UBE4B: variants seen among roughly 807,000 people sequenced by gnomAD.
UBE4B encodes the protein ubiquitin conjugation factor E4 B.
In UBE4B, 27 loss-of-function variants were observed where a neutral mutation model predicts 148.1. That is an observed-to-expected ratio of 0.18 (90% CI 0.13 to 0.25). The LOEUF is 0.25. Ranked by LOEUF, UBE4B falls within the 10% of genes least tolerant of loss-of-function variation. The pLI is 1.00. For synonymous variants in UBE4B, 596 were observed against 619.3 expected (o/e 0.96, Z 0.56); for missense variants, 1,170 against 1,662.4 (o/e 0.70, Z 5.15).
chr1:10,137,341 C>T (rs569908417), intron 17 of UBE4B, 136 bp downstream of exon 17: 18 of 1,108,650 alleles, frequency 1.6e-5, no homozygotes, highest in Admixed American at 1.1e-4. Flanking sequence ...CTGCCTCCAC[C>T]GCCACATCCA....
intron 2 of UBE4B, among the ~76,000 whole-genome samples, chr1:10,090,398 G>A (rs1644828247): frequency 6.6e-6 from 1 of 152,180 alleles, no homozygotes; most frequent in Non-Finnish European, 1.5e-5. Context: ...TGGAATTATA[G>A]GCGTGAGCCA....
In UBE4B at chr1:10,147,039, A is replaced by T; in HGVS notation, c.2540A>T (p.Tyr847Phe). The change falls in exon 19 of 28, where the codon TAT (tyrosine) becomes TTT (phenylalanine). Residue 847 changes from tyrosine to phenylalanine, a missense_variant. Transcript: ENST00000343090. ...ESFLRRCLNF[Y>F]GLLIQLLLRI... ...TTCCTGAGAAGATGTCTGAATTTTT[A>T]TGGCCTTCTCATTCAGCTGCTGCTC... 6.2e-7 allele frequency: 1 copy of T among 1,613,956 alleles called. No individual in the cohort carries two copies. The highest frequency in any genetic ancestry group is 8.5e-7 in the Non-Finnish European group (1 of 1,179,984).
At chr1:10,175,637 C>A (rs914646050) in intron 25 of UBE4B, among the ~76,000 whole-genome samples, 1 of 151,320 alleles carries the variant, frequency 6.6e-6, no homozygotes, top group Non-Finnish European at 1.5e-5. Flanking sequence ...GGCGACAGAG[C>A]GAGACTCCGT....
chr1:10,122,678 C>T (rs1363205322), intron 10 of UBE4B, among the ~76,000 whole-genome samples: 1 of 152,218 alleles, frequency 6.6e-6, no homozygotes, highest in Middle Eastern at 3.2e-3. Context: ...CAAGGTGAAA[C>T]TTTGTTGTTA....
intron 2 of UBE4B, among the ~76,000 whole-genome samples, chr1:10,085,027 C>G (rs923104604): frequency 1.3e-5 from 2 of 152,078 alleles, no homozygotes; most frequent in Non-Finnish European, 2.9e-5. Context: ...CAGTTGGAAT[C>G]CAAGGGAAGT....
intron 25 of UBE4B, among the ~76,000 whole-genome samples, chr1:10,174,430 G>A (rs1274795126): frequency 6.6e-6 from 1 of 151,516 alleles, no homozygotes; most frequent in Non-Finnish European, 1.5e-5. Context: ...GCTGGGTGCG[G>A]TGGCTCACAC....
At chr1:10,078,101 C>T (rs970157718) in intron 2 of UBE4B, among the ~76,000 whole-genome samples, 6 of 152,092 alleles carry the variant, frequency 3.9e-5, no homozygotes, top group Non-Finnish European at 7.4e-5. Flanking sequence ...CCTCCGTCAC[C>T]CGGGTTCAAG....
chr1:10,159,001 C>A (rs1300217901), intron 22 of UBE4B, among the ~76,000 whole-genome samples: 1 of 144,124 alleles, frequency 6.9e-6, no homozygotes, highest in Non-Finnish European at 1.5e-5. Context: ...CAGAGCGAGA[C>A]TCCGTCTCAA....
At chr1:10,126,308 T>A (rs1645494002) in intron 10 of UBE4B, among the ~76,000 whole-genome samples, 1 of 132,374 alleles carries the variant, frequency 7.6e-6, no homozygotes, top group Non-Finnish European at 1.6e-5. Context: ...TCAATATAGA[T>A]AGATAGATAG....
At position 10,134,988 on chromosome 1, in the gene UBE4B, A is replaced by G. The variant is rs756270935; in HGVS notation, c.2026A>G (p.Thr676Ala). The G allele has an allele frequency of 6.2e-7, 1 of 1,613,676 alleles. No homozygotes were observed. The highest frequency in any genetic ancestry group is 8.5e-7 in the Non-Finnish European group (1 of 1,179,692). Residue 676 changes from threonine to alanine, a missense_variant and splice_region_variant, in exon 16 of 28, where the codon ACA (threonine) becomes GCA (alanine). Physicochemically the swap from Thr to Ala is moderately conservative, Grantham distance 58. Coordinates refer to ENST00000343090, the MANE Select transcript of UBE4B (RefSeq NM_001105562.3). ...NANMKKAQMQTDDRLVSTDGF... is the reference protein window; with the variant it reads ...NANMKKAQMQADDRLVSTDGF... The stretch of plus-strand genomic sequence containing the variant: ...TACTTTTTCTTTTCAACTTTCACAG[A>G]CAGATGATAGATTGGTGTCTACAGA...
chr1:10,102,151 T>G (rs1376304906), intron 4 of UBE4B, among the ~76,000 whole-genome samples: 1 of 152,126 alleles, frequency 6.6e-6, no homozygotes, highest in Non-Finnish European at 1.5e-5. Context: ...AGCCTCCTAG[T>G]GGTGCAGTGC....
intron 3 of UBE4B, among the ~76,000 whole-genome samples, chr1:10,097,052 A>AATAAT (rs1553143703): frequency 3.0e-4 from 41 of 138,536 alleles, no homozygotes; most frequent in African/African-American, 5.0e-4. Context: ...AAAAAAAAAA[A>AATAAT]AATAATAATA....
At chr1:10,080,631 C>T (rs1644663118) in intron 2 of UBE4B, among the ~76,000 whole-genome samples, 1 of 152,026 alleles carries the variant, frequency 6.6e-6, no homozygotes, top group Non-Finnish European at 1.5e-5. Context: ...AGCATTATTC[C>T]AAATAGCCAA....
At chr1:10,179,196 C>T in intron 26 of UBE4B, 2 of 577,882 alleles carry the variant, frequency 3.5e-6, no homozygotes, top group Non-Finnish European at 5.9e-6. Context: ...TCTCTGTTCC[C>T]TCCCCCCAGC....
rs200469707 is a variant in UBE4B at position 10,097,879 on chromosome 1, A to AT, written c.347+2291dup. On this transcript the variant is annotated intron_variant, in intron 3 of 27. Coordinates refer to ENST00000343090, the MANE Select transcript of UBE4B (RefSeq NM_001105562.3). ...TCCATTTCCTCAAGCATTTGTCCTT[A>AT]TTTTTTTTGGAGACGGAGTCTCACT... 2.6e-4 allele frequency among the ~76,000 whole-genome samples: 40 copies of AT among 151,580 alleles called. No homozygotes were observed. The East Asian group carries it at 3.7e-3, about 14-fold the overall frequency.
intron 1 of UBE4B, among the ~76,000 whole-genome samples, chr1:10,034,389 C>G (rs12082994): frequency 0.028 from 4,194 of 152,062 alleles, 161 homozygotes; most frequent in African/African-American, 0.088. Flanking sequence ...AAATGACTTT[C>G]TAAACTCTCT....
chr1:10,090,374 G>A (rs1010072680), intron 2 of UBE4B, among the ~76,000 whole-genome samples: 2 of 151,960 alleles, frequency 1.3e-5, no homozygotes, highest in African/African-American at 4.8e-5. Context: ...CTCCACCTTG[G>A]CCTCCAAAAG....
intron 18 of UBE4B, 22 bp from the exon 19 acceptor site, chr1:10,146,941 G>C (rs761825845): frequency 1.2e-6 from 2 of 1,612,022 alleles, no homozygotes; most frequent in Non-Finnish European, 1.7e-6. Context: ...ATCTTTGGGT[G>C]GGGACATCCC....
intron 2 of UBE4B, among the ~76,000 whole-genome samples, chr1:10,095,225 A>G (rs9430244): frequency 0.87 from 132,894 of 152,184 alleles, 58,192 homozygotes; most frequent in Admixed American, 0.93. Context: ...TAGGCATTAG[A>G]TGTAGCTCTG....
Sources: gnomAD v4.1 joint callset for allele counts (sites outside exome capture counted in the v4.1 genomes callset) on GRCh38, gnomAD v4.1.1 for gene constraint, MANE v1.5 for transcripts, NCBI Gene and HGNC (gene_info 2026-07-23, HGNC 2026-07-21) for gene names.